The following TMC1 variants were observed in gnomAD, a reference collection of about 807,000 sequenced individuals.
The protein encoded by TMC1 is transmembrane channel like 1.
TMC1 carries 84 observed loss-of-function variants against 105.8 expected under a neutral mutation model. The ratio of observed to expected loss-of-function variants is 0.79; its 90% CI spans 0.67 to 0.95. TMC1 has a LOEUF of 0.95. Ranked by LOEUF, TMC1 falls within the 40% of genes least tolerant of loss-of-function variation. The pLI, the probability that TMC1 is intolerant of heterozygous loss-of-function variation, is 0.00. For synonymous variants in TMC1, 315 were observed against 311.5 expected (o/e 1.01, Z -0.12); for missense variants, 817 against 914.1 (o/e 0.89, Z 1.37).
chr9:72,718,641 A>G (rs929498005), intron 8 of TMC1, among the ~76,000 whole-genome samples: 11 of 152,118 alleles, frequency 7.2e-5, no homozygotes, highest in Non-Finnish European at 1.3e-4. Flanking sequence ...GAGGTGCCTT[A>G]GTTGTAGTTG....
intron 5 of TMC1, among the ~76,000 whole-genome samples, chr9:72,668,610 C>A (rs1826080351): frequency 6.6e-6 from 1 of 152,186 alleles, no homozygotes; most frequent in Non-Finnish European, 1.5e-5. Flanking sequence ...GCCATCACTT[C>A]TCTCTAAACT....
Position 72,836,303 on chromosome 9 carries a change from TA to T in TMC1, c.*338del, listed in dbSNP as rs896715282. Reference sequence around the variant, plus strand: ...TTACTGGTTTAGTTGGTGGGTTAATTAAAAAAAATTTGCTCATATGAACTTT... The same window carrying T: ...TTACTGGTTTAGTTGGTGGGTTAATTAAAAAAATTTGCTCATATGAACTTT... On this transcript the variant is annotated 3_prime_UTR_variant, in exon 24 of 24. Transcript: ENST00000297784. The T allele has an allele frequency of 4.0e-5, 12 of 300,120 alleles. No homozygotes were observed. Among genetic ancestry groups the T allele is most frequent in the Non-Finnish European group, 5.5e-5 (9 of 162,240 alleles). The allele number at this position is 300,120 out of a possible 1,614,324, so 18.6% of individuals were successfully genotyped here.
chr9:72,683,733 T>TTATGTATATA (rs1826329019), intron 5 of TMC1, among the ~76,000 whole-genome samples: 1 of 53,396 alleles, frequency 1.9e-5, no homozygotes, highest in South Asian at 7.7e-4. Flanking sequence ...GTTACACATT[T>TTATGTATATA]TATATATATA....
intron 10 of TMC1, among the ~76,000 whole-genome samples, chr9:72,745,161 A>C (rs1827468583): frequency 6.6e-6 from 1 of 152,170 alleles, no homozygotes; most frequent in Non-Finnish European, 1.5e-5. Context: ...CCACACCACC[A>C]TTTATTGAGT....
chr9:72,800,849 T>C (rs970958884), intron 17 of TMC1, among the ~76,000 whole-genome samples: 2 of 152,150 alleles, frequency 1.3e-5, no homozygotes, highest in Non-Finnish European at 2.9e-5. Context: ...ATGGAATCTC[T>C]GGGAACAAAA....
At chr9:72,753,035 A>G (rs1247629584) in intron 11 of TMC1, among the ~76,000 whole-genome samples, 2 of 152,310 alleles carry the variant, frequency 1.3e-5, no homozygotes, top group East Asian at 3.9e-4. Context: ...CTTAGCTAAC[A>G]TCTTGGAATA....
At chr9:72,816,251 C>T (rs904835149) in intron 19 of TMC1, 41 bp downstream of exon 19, 1 of 1,579,600 alleles carries the variant, frequency 6.3e-7, no homozygotes, top group Non-Finnish European at 8.7e-7. Context: ...ACAGAAAAGC[C>T]TCCCAGGTTA....
chr9:72,740,161 G>T lies in TMC1; in HGVS notation c.405G>T (p.Gly135=), dbSNP rs1391895910. The T allele has an allele frequency of 2.5e-6, 4 of 1,613,618 alleles. No homozygotes were observed. The Admixed American group carries it at 6.7e-5, about 27-fold the overall frequency. The part of the protein sequence containing the change: ...KFVSENEGAL[G]KGKGKRWFAF... ...TGAGTGAAAATGAAGGGGCTCTTGG[G>T]AAAGGAAAAGGAAAACGGTGGTTTG... is the stretch of plus-strand genomic sequence containing the variant. The change falls in exon 9 of 24, where the codon GGG becomes GGT. Residue 135 remains glycine (G), a synonymous_variant. Transcript: ENST00000297784.
At chr9:72,696,709 C>T (rs1439174622) in intron 7 of TMC1, among the ~76,000 whole-genome samples, 1 of 152,140 alleles carries the variant, frequency 6.6e-6, no homozygotes, top group African/African-American at 2.4e-5. Flanking sequence ...CCTTGTTAGA[C>T]ATTTTGGAGT....
At chr9:72,802,885 T>G (rs1828500657) in intron 17 of TMC1, among the ~76,000 whole-genome samples, 1 of 152,162 alleles carries the variant, frequency 6.6e-6, no homozygotes. Flanking sequence ...AAAAACATTT[T>G]TAAATTCATA....
At chr9:72,824,297 C>G (rs149650614) in intron 20 of TMC1, among the ~76,000 whole-genome samples, 2 of 152,234 alleles carry the variant, frequency 1.3e-5, no homozygotes, top group Non-Finnish European at 2.9e-5. Flanking sequence ...GTCTTAGCAG[C>G]TCAGTTGGCC....
intron 8 of TMC1, among the ~76,000 whole-genome samples, chr9:72,735,794 A>G (rs1454104157): frequency 8.0e-6 from 1 of 124,750 alleles, no homozygotes; most frequent in African/African-American, 3.8e-5. Context: ...CTTACATCCT[A>G]TGAGCATCAG....
chr9:72,752,909 G>A (rs1358364899), intron 11 of TMC1, among the ~76,000 whole-genome samples: 1 of 152,100 alleles, frequency 6.6e-6, no homozygotes, highest in Non-Finnish European at 1.5e-5. Context: ...ATAGTACAAA[G>A]CACTTTCACT....
At chr9:72,725,358 T>C (rs1564515650) in intron 8 of TMC1, among the ~76,000 whole-genome samples, 1 of 81,550 alleles carries the variant, frequency 1.2e-5, no homozygotes, top group South Asian at 5.0e-4. Flanking sequence ...TATATATATA[T>C]ATATATATAT....
At chr9:72,549,638 TCTCA>T (rs1823828117) in intron 1 of TMC1, among the ~76,000 whole-genome samples, 1 of 146,392 alleles carries the variant, frequency 6.8e-6, no homozygotes, top group Non-Finnish European at 1.5e-5. Context: ...TGAGACGAAG[TCTCA>T]CTCTGTTGCC....
chr9:72,768,489 AAAAT>A (rs993050681), intron 12 of TMC1, among the ~76,000 whole-genome samples: 3 of 152,208 alleles, frequency 2.0e-5, no homozygotes, highest in Non-Finnish European at 2.9e-5. Context: ...TAATTAATTA[AAAAT>A]AAATAAACAA....
In TMC1 at chr9:72,750,101, C is replaced by A. The variant is rs570314849; in HGVS notation, c.536-1749C>A. On this transcript the variant is annotated intron_variant, in intron 10 of 23. Coordinates refer to ENST00000297784, the MANE Select transcript of TMC1 (RefSeq NM_138691.3). ...CAACCTGGGTGACAAGGGCAAAACT[C>A]CATCTCAAAACAAAACAAAAAAAGA... Among the ~76,000 whole-genome samples the A allele has an allele frequency of 3.3e-5, 5 of 152,094 alleles. No homozygotes were observed. The South Asian group carries it at 8.3e-4, about 25-fold the overall frequency.
chr9:72,776,616 C>A (rs1828009701), intron 13 of TMC1, among the ~76,000 whole-genome samples: 1 of 152,168 alleles, frequency 6.6e-6, no homozygotes, highest in African/African-American at 2.4e-5. Context: ...ACCTTGCCAC[C>A]TCTCTGTACT....
chr9:72,740,953 A>G (rs1827378828), intron 9 of TMC1, among the ~76,000 whole-genome samples: 1 of 152,124 alleles, frequency 6.6e-6, no homozygotes, highest in African/African-American at 2.4e-5. Flanking sequence ...GGCTTCTTTG[A>G]TGCAATGTTA....
Sources: gnomAD v4.1 joint callset for allele counts (sites outside exome capture counted in the v4.1 genomes callset) on GRCh38, gnomAD v4.1.1 for gene constraint, MANE v1.5 for transcripts, NCBI Gene and HGNC (gene_info 2026-07-23, HGNC 2026-07-21) for gene names.